ASTN2: variants seen among roughly 807,000 people sequenced by gnomAD.
The protein encoded by ASTN2 is astrotactin-2.
Under a neutral mutation model 139.8 loss-of-function variants are expected in ASTN2, and 54 were observed. The ratio of observed to expected loss-of-function variants is 0.39; its 90% CI spans 0.31 to 0.48. The LOEUF (loss-of-function observed/expected upper bound fraction) is 0.48. Among genes scored for constraint, ASTN2 ranks in the 20% least tolerant of loss-of-function variants. The pLI, the probability that ASTN2 is intolerant of heterozygous loss-of-function variation, is 0.95. For missense variants in ASTN2, 1,565 were observed against 1,725.1 expected (o/e 0.91, Z 1.64); for synonymous variants, 756 against 719.5 (o/e 1.05, Z -0.81).
At chr9:117,161,540 T>C (rs982405132) in intron 3 of ASTN2, among the ~76,000 whole-genome samples, 4 of 152,064 alleles carry the variant, frequency 2.6e-5, no homozygotes, top group Non-Finnish European at 4.4e-5. Flanking sequence ...ATTACAGTTG[T>C]GTGCCACCAT....
At chr9:116,487,235 G>T in intron 20 of ASTN2, 124 bp downstream of exon 20, 3 of 1,228,086 alleles carry the variant, frequency 2.4e-6, no homozygotes, top group Non-Finnish European at 3.4e-6. Context: ...AGAATCTCAA[G>T]TTGCACATAC....
intron 1 of ASTN2, among the ~76,000 whole-genome samples, chr9:117,295,697 G>A (rs977132825): frequency 6.6e-6 from 1 of 151,752 alleles, no homozygotes; most frequent in Non-Finnish European, 1.5e-5. Flanking sequence ...TAATAAAATG[G>A]TGGAGGGACT....
chr9:116,793,714 C>G (rs542534275), intron 13 of ASTN2, among the ~76,000 whole-genome samples: 1 of 152,186 alleles, frequency 6.6e-6, no homozygotes, highest in Non-Finnish European at 1.5e-5. Flanking sequence ...TCCTTGGACC[C>G]AGCAGCTAAT....
At chr9:116,502,730 GGAATGAATGAAT>G (rs141207691) in intron 19 of ASTN2, among the ~76,000 whole-genome samples, 6,074 of 21,076 alleles carry the variant, frequency 0.29, 482 homozygotes, top group Middle Eastern at 0.35. Context: ...AAGGAAGGAA[GGAATGAATGAAT>G]GAATGAGGGA....
chr9:117,082,696 G>A (rs762245205), intron 5 of ASTN2, among the ~76,000 whole-genome samples: 2 of 152,146 alleles, frequency 1.3e-5, no homozygotes, highest in Non-Finnish European at 2.9e-5. Flanking sequence ...CCAGCTACTC[G>A]GGAGGCTGAG....
chr9:116,809,180 A>G (rs1831103115), intron 12 of ASTN2, among the ~76,000 whole-genome samples: 1 of 152,182 alleles, frequency 6.6e-6, no homozygotes, highest in Admixed American at 6.5e-5. Context: ...ACAAGACGAT[A>G]AAATATATTT....
chr9:116,532,285 C>A (rs1297369391), intron 19 of ASTN2, among the ~76,000 whole-genome samples: 1 of 152,144 alleles, frequency 6.6e-6, no homozygotes, highest in Admixed American at 6.5e-5. Flanking sequence ...GAGTAGATTG[C>A]AAAAATTTTC....
chr9:117,135,889 G>A (rs1349611807), intron 4 of ASTN2, among the ~76,000 whole-genome samples: 1 of 152,170 alleles, frequency 6.6e-6, no homozygotes, highest in Non-Finnish European at 1.5e-5. Flanking sequence ...GGGGAAGGGA[G>A]AAATGGCCCA....
At chr9:117,097,923 T>C (rs927784580) in intron 4 of ASTN2, among the ~76,000 whole-genome samples, 1 of 152,348 alleles carries the variant, frequency 6.6e-6, no homozygotes. Context: ...AGAAGATTTG[T>C]AGACATTATT....
At chr9:117,119,054 C>T (rs1296790747) in intron 4 of ASTN2, among the ~76,000 whole-genome samples, 1 of 152,196 alleles carries the variant, frequency 6.6e-6, no homozygotes, top group Admixed American at 6.5e-5. Flanking sequence ...TATCACCATA[C>T]TCTGCATTCA....
In ASTN2 at chr9:117,194,592, G is replaced by C. The variant is rs1831440849; in HGVS notation, c.1015+19766C>G. Reference sequence around the variant, plus strand: ...AAACATAGTTTTGATTATGTCTGCTGTTCAACGTTGTGGATAAACATAGCT... The same window carrying C: ...AAACATAGTTTTGATTATGTCTGCTCTTCAACGTTGTGGATAAACATAGCT... On this transcript the variant is annotated intron_variant, in intron 3 of 22. Transcript: ENST00000313400. Among the ~76,000 whole-genome samples, 2 of 152,208 alleles carry C rather than the reference G, an allele frequency of 1.3e-5. 1 individual carries two copies. The highest frequency in any genetic ancestry group is 4.1e-4 in the South Asian group (2 of 4,830).
chr9:116,652,504 T>C (rs1013941016), intron 16 of ASTN2, among the ~76,000 whole-genome samples: 7 of 152,220 alleles, frequency 4.6e-5, no homozygotes, highest in Non-Finnish European at 7.3e-5. Flanking sequence ...TTAAAATTTA[T>C]ATCTAGTCCT....
chr9:116,797,072 T>C (rs1830715288), intron 13 of ASTN2, among the ~76,000 whole-genome samples: 1 of 152,108 alleles, frequency 6.6e-6, no homozygotes, highest in Admixed American at 6.6e-5. Flanking sequence ...CTTCCCATCT[T>C]GGCCTCCCAA....
At chr9:117,235,883 A>G (rs1833030379) in intron 2 of ASTN2, among the ~76,000 whole-genome samples, 1 of 152,218 alleles carries the variant, frequency 6.6e-6, no homozygotes. Context: ...CAGACCTGTG[A>G]AACAGGGAGA....
intron 2 of ASTN2, among the ~76,000 whole-genome samples, chr9:117,263,620 CG>C (rs1833874661): frequency 6.6e-6 from 1 of 152,176 alleles, no homozygotes; most frequent in Non-Finnish European, 1.5e-5. Flanking sequence ...GGGAGATACT[CG>C]GGAATTGAAG....
chr9:116,758,272 A>C (rs1304697531), intron 13 of ASTN2, among the ~76,000 whole-genome samples: 3 of 152,212 alleles, frequency 2.0e-5, no homozygotes, highest in Non-Finnish European at 2.9e-5. Context: ...GCCTCGCACA[A>C]AGAATAGCAG....
intron 3 of ASTN2, among the ~76,000 whole-genome samples, chr9:117,205,697 G>A (rs1336471422): frequency 6.6e-6 from 1 of 152,140 alleles, no homozygotes; most frequent in African/African-American, 2.4e-5. Context: ...AGAGCTCCAG[G>A]GAAGGGGCCA....
chr9:117,314,442 A>T, intron 1 of ASTN2, among the ~76,000 whole-genome samples: 1 of 151,586 alleles, frequency 6.6e-6, no homozygotes. Flanking sequence ...CCCCCAATTT[A>T]AAATATGAGC....
chr9:117,171,856 A>T (rs745636319), intron 3 of ASTN2, among the ~76,000 whole-genome samples: 7 of 152,144 alleles, frequency 4.6e-5, no homozygotes, highest in Non-Finnish European at 7.4e-5. Context: ...GCAGTGTGAA[A>T]ATGAACTAAT....
Sources: allele counts gnomAD v4.1 joint callset (sites outside exome capture counted in the v4.1 genomes callset), GRCh38; gene constraint gnomAD v4.1.1; transcripts MANE v1.5; gene names NCBI Gene and HGNC (gene_info 2026-07-23, HGNC 2026-07-21).